IL4I1: variants seen among roughly 807,000 people sequenced by gnomAD.
IL4I1 encodes the protein interleukin 4 induced 1.
A neutral mutation model predicts 29.7 loss-of-function variants in IL4I1; 24 were observed. The observed-to-expected ratio is 0.81, with a 90% CI of 0.59 to 1.14. The LOEUF (loss-of-function observed/expected upper bound fraction) is 1.14. IL4I1 is among the 50% of genes most tolerant of loss of function. The pLI, the probability that IL4I1 is intolerant of heterozygous loss-of-function variation, is 0.00. For missense variants in IL4I1, 686 were observed against 785.6 expected (o/e 0.87, Z 1.52); for synonymous variants, 371 against 352.5 (o/e 1.05, Z -0.59).
chr19:49,920,863 C>T (rs1338223156), intron 2 of IL4I1, among the ~76,000 whole-genome samples: 1 of 152,120 alleles, frequency 6.6e-6, no homozygotes, highest in Non-Finnish European at 1.5e-5. Context: ...ACACCTGTGC[C>T]CCATCCGCAG....
chr19:49,890,946 C>CG (rs930423704), intron 7 of IL4I1, 25 bp downstream of exon 7: 1 of 767,566 alleles, frequency 1.3e-6, no homozygotes. Flanking sequence ...GCCCCCCCCC[C>CG]CTGCCCGCCA....
chr19:49,897,727 G>A (rs1204391075), upstream of IL4I1, among the ~76,000 whole-genome samples: 2 of 152,172 alleles, frequency 1.3e-5, no homozygotes, highest in Non-Finnish European at 2.9e-5. Context: ...GGGTGGGGGT[G>A]GAGAAACAAT....
intron 2 of IL4I1, among the ~76,000 whole-genome samples, chr19:49,918,917 G>T (rs1158194395): frequency 7.5e-6 from 1 of 133,884 alleles, no homozygotes; most frequent in South Asian, 2.6e-4. Context: ...GGCGGGGTGT[G>T]GGGGGGCGGA....
At chr19:49,890,944 CCCCT>C (rs752853214) in intron 7 of IL4I1, 23 bp downstream of exon 7, 11 of 676,788 alleles carry the variant, frequency 1.6e-5, no homozygotes, top group South Asian at 2.8e-5. Context: ...CCGCCCCCCC[CCCCT>C]GCCCGCCAGC....
chr19:49,916,104 C>T (rs1370619597), intron 2 of IL4I1, among the ~76,000 whole-genome samples: 1 of 152,232 alleles, frequency 6.6e-6, no homozygotes, highest in Non-Finnish European at 1.5e-5. Context: ...GGGTGGGAAA[C>T]AAGTGCAGAC....
At chr19:49,906,531 G>A (rs1447726730) in intron 2 of IL4I1, among the ~76,000 whole-genome samples, 9 of 152,088 alleles carry the variant, frequency 5.9e-5, no homozygotes, top group South Asian at 4.1e-4. Flanking sequence ...TATATTCTAC[G>A]ACATAACTGT....
intron 4 of IL4I1, 113 bp from the exon 5 acceptor site, chr19:49,894,582 G>T: frequency 2.9e-6 from 2 of 699,708 alleles, no homozygotes; most frequent in Admixed American, 4.6e-5. Flanking sequence ...CCAGCATGAG[G>T]CTGGGGGTGG....
At chr19:49,909,027 G>C (rs2075391299) in intron 2 of IL4I1, 2 of 1,613,174 alleles carry the variant, frequency 1.2e-6, no homozygotes, top group African/African-American at 2.7e-5. Context: ...GCTGCTCCAG[G>C]TGCCTTTAAG....
At chr19:49,908,091 A>G (rs993551209) in intron 2 of IL4I1, 2 of 1,466,458 alleles carry the variant, frequency 1.4e-6, no homozygotes, top group African/African-American at 2.8e-5. Flanking sequence ...GGAAAAACGC[A>G]AAGCACACAG....
intron 2 of IL4I1, among the ~76,000 whole-genome samples, chr19:49,906,599 C>T (rs907661054): frequency 5.9e-5 from 9 of 152,350 alleles, no homozygotes; most frequent in Admixed American, 1.3e-4. Flanking sequence ...TCCTCTTCTA[C>T]CACTAGCACC....
rs1302497459 is a variant in IL4I1 at position 49,921,939 on chromosome 19, T to C, written c.-228+5755A>G. 1.3e-5 allele frequency among the ~76,000 whole-genome samples: 2 copies of C among 152,202 alleles called. No homozygotes were observed. The highest frequency in any genetic ancestry group is 1.5e-5 in the Non-Finnish European group (1 of 68,036). On this transcript the variant is annotated intron_variant, in intron 2 of 9. Transcript: ENST00000341114. This position sits in a 1 kb window ranked among gnomAD's most constrained non-coding sequence, Gnocchi z 5.4. ...CTTCCATCTTGGCAGGATGAGTGCATTTGCTGCGAGAAAGCAGCCCCGACG... is the reference window on the plus strand; with the variant it reads ...CTTCCATCTTGGCAGGATGAGTGCACTTGCTGCGAGAAAGCAGCCCCGACG...
At chr19:49,922,057 T>C (rs2075777483) in intron 2 of IL4I1, among the ~76,000 whole-genome samples, 1 of 152,152 alleles carries the variant, frequency 6.6e-6, no homozygotes, top group Admixed American at 6.5e-5. Context: ...ACAGACAACA[T>C]GATGTCCAAA....
chr19:49,891,230 C>T, intron 6 of IL4I1, 123 bp from the exon 7 acceptor site: 2 of 1,470,142 alleles, frequency 1.4e-6, no homozygotes, highest in Non-Finnish European at 9.3e-7. Flanking sequence ...TGTCCCCACT[C>T]TCTGACAGAT....
intron 7 of IL4I1, 55 bp from the exon 8 acceptor site, chr19:49,890,655 C>T (rs920621081): frequency 4.2e-6 from 6 of 1,415,772 alleles, no homozygotes; most frequent in Non-Finnish European, 4.6e-6. Flanking sequence ...CGGCCCTGCC[C>T]CTCTGCCTTG....
chr19:49,925,183 C>A (rs1240719516), intron 2 of IL4I1, among the ~76,000 whole-genome samples: 1 of 152,078 alleles, frequency 6.6e-6, no homozygotes, highest in Non-Finnish European at 1.5e-5. Context: ...ATCTCTTGAA[C>A]CCAGGAGGCA....
chr19:49,892,798 T>C (rs1039318927), intron 5 of IL4I1, among the ~76,000 whole-genome samples: 4 of 152,112 alleles, frequency 2.6e-5, no homozygotes, highest in African/African-American at 9.7e-5. Flanking sequence ...GGCATAGAAA[T>C]GACCTGGACA....
chr19:49,908,231 G>A (rs2075366377), intron 2 of IL4I1: 1 of 1,612,282 alleles, frequency 6.2e-7, no homozygotes, highest in Non-Finnish European at 8.5e-7. Flanking sequence ...CCCCAGGGCT[G>A]CTGTCGCTCA....
intron 2 of IL4I1, among the ~76,000 whole-genome samples, chr19:49,912,218 G>A (rs980641735): frequency 7.1e-6 from 1 of 140,768 alleles, no homozygotes; most frequent in Non-Finnish European, 1.5e-5. Flanking sequence ...TGCCCAGGCT[G>A]GAGTGGAATG....
intron 2 of IL4I1, chr19:49,917,529 C>A (rs2075654978): frequency 1.3e-5 from 2 of 152,286 alleles, no homozygotes; most frequent in South Asian, 4.1e-4. Flanking sequence ...CGGTCCAGGC[C>A]AAATGGCCAG....
Sources: gnomAD v4.1 joint callset for allele counts (sites outside exome capture counted in the v4.1 genomes callset) on GRCh38, gnomAD v4.1.1 for gene constraint, Gnocchi (gnomAD v3.1) non-coding constraint, MANE v1.5 for transcripts, NCBI Gene and HGNC (gene_info 2026-07-23, HGNC 2026-07-21) for gene names.